TDRD9: variants seen among roughly 807,000 people sequenced by gnomAD.
The protein encoded by TDRD9 is tudor domain containing 9.
In TDRD9, 124 loss-of-function variants were observed where a neutral mutation model predicts 172.6. The observed-to-expected ratio is 0.72, with a 90% CI of 0.62 to 0.83. The LOEUF (loss-of-function observed/expected upper bound fraction) is 0.83. TDRD9 is among the 40% of genes least tolerant of loss of function. The pLI is 0.00. For missense variants in TDRD9, 1,479 were observed against 1,714.1 expected (o/e 0.86, Z 2.42); for synonymous variants, 619 against 617.1 (o/e 1.00, Z -0.05).
intron 1 of TDRD9, among the ~76,000 whole-genome samples, chr14:103,947,502 G>C (rs1475467528): frequency 6.6e-6 from 1 of 151,730 alleles, no homozygotes; most frequent in Non-Finnish European, 1.5e-5. Context: ...TAATTTTTTT[G>C]TATTTTTAGT....
At chr14:104,048,410 G>A (rs1218065115) in intron 34 of TDRD9, among the ~76,000 whole-genome samples, 3 of 152,048 alleles carry the variant, frequency 2.0e-5, no homozygotes, top group Admixed American at 6.6e-5. Context: ...AGCTCGTTTT[G>A]TTTTCTTTAT....
chr14:103,954,305 C>G (rs1254386838), intron 1 of TDRD9, among the ~76,000 whole-genome samples: 2 of 152,318 alleles, frequency 1.3e-5, no homozygotes, highest in Non-Finnish European at 2.9e-5. Flanking sequence ...TACCCTTCCT[C>G]CCTGGAATCC....
chr14:104,019,774 G>T (rs144268713), intron 23 of TDRD9, among the ~76,000 whole-genome samples: 2 of 152,218 alleles, frequency 1.3e-5, no homozygotes, highest in Non-Finnish European at 2.9e-5. Flanking sequence ...TTTCAACTTC[G>T]TGGTAGGAGT....
At chr14:104,004,096 C>A in intron 13 of TDRD9, 142 bp from the exon 14 acceptor site, 1 of 460,440 alleles carries the variant, frequency 2.2e-6, no homozygotes, top group East Asian at 3.2e-5. Context: ...CTAATGTATT[C>A]TAAAGTTTTT....
rs763546824 is a variant in TDRD9, at chr14:104,006,681, C to A, written c.1915C>A (p.Pro639Thr). The change falls in exon 17 of 36, where the codon CCT (proline) becomes ACT (threonine). Residue 639 changes from proline (P) to threonine (T), a missense_variant. By Grantham distance (38) the Pro-to-Thr change is conservative. This residue lies in a region of TDRD9 where 1,413 missense variants were observed against 1,649.1 expected (regional missense o/e 0.86). Coordinates refer to ENST00000409874, the MANE Select transcript of TDRD9 (RefSeq NM_153046.3). ...TTCTTTGAAGAATTTTTTTGCAATG[C>A]CTTTCCGGCAGCATCTCGATGGATA... ...ALSLKNFFAM[P>T]FRQHLDGYRN... The A allele has an allele frequency of 6.8e-6, 11 of 1,613,766 alleles. No homozygotes were observed. The highest frequency in any genetic ancestry group is 4.5e-5 in the East Asian group (2 of 44,888).
chr14:103,940,240 G>A (rs2031136231), intron 1 of TDRD9, among the ~76,000 whole-genome samples: 1 of 152,038 alleles, frequency 6.6e-6, no homozygotes, highest in Admixed American at 6.6e-5. Context: ...TTTATTACAC[G>A]TTCCCTTAAT....
chr14:104,000,440 T>C (rs1191947958), intron 13 of TDRD9, among the ~76,000 whole-genome samples: 1 of 151,784 alleles, frequency 6.6e-6, no homozygotes, highest in Admixed American at 6.6e-5. Flanking sequence ...AACACCTCAC[T>C]ATGTTTAACC....
chr14:103,944,034 G>A (rs74086779), intron 1 of TDRD9, among the ~76,000 whole-genome samples: 8 of 152,164 alleles, frequency 5.3e-5, no homozygotes, highest in Admixed American at 2.0e-4. Context: ...AAATTACAGC[G>A]AATCTTGCCG....
At chr14:104,025,203 A>G (rs916971914) in intron 25 of TDRD9, among the ~76,000 whole-genome samples, 15 of 152,144 alleles carry the variant, frequency 9.9e-5, no homozygotes, top group African/African-American at 2.9e-4. Context: ...GCTGGTCTCG[A>G]ACTCCTAATC....
At chr14:104,035,229 G>A (rs2035416004) in intron 32 of TDRD9, among the ~76,000 whole-genome samples, 173 bp downstream of exon 32, 1 of 151,934 alleles carries the variant, frequency 6.6e-6, no homozygotes, top group African/African-American at 2.4e-5. Flanking sequence ...TGCTTGGGCT[G>A]ATTTTGAAAG....
In TDRD9 at chr14:103,990,477, C is replaced by G. The variant is rs575699112; in HGVS notation, c.1116-683C>G. The stretch of plus-strand genomic sequence containing the variant: ...CCCAGAGAGGCCCTTCCCAGCCAGC[C>G]CTCCTGAGAGCACTCCATACATGCA... On this transcript the variant is annotated intron_variant, in intron 8 of 35. Transcript: ENST00000409874. Among the ~76,000 whole-genome samples the G allele has an allele frequency of 1.8e-4, 28 of 152,362 alleles. No individual in the cohort carries two copies. In the South Asian group the frequency reaches 5.8e-3, roughly 32 times the overall value.
intron 7 of TDRD9, among the ~76,000 whole-genome samples, chr14:103,984,488 C>G (rs1051475477): frequency 1.3e-5 from 2 of 152,232 alleles, no homozygotes; most frequent in Non-Finnish European, 2.9e-5. Flanking sequence ...TCAGAGGGTG[C>G]AAGCCTCAAG....
chr14:103,993,341 A>G (rs1280358084), intron 9 of TDRD9, among the ~76,000 whole-genome samples: 1 of 152,184 alleles, frequency 6.6e-6, no homozygotes, highest in African/African-American at 2.4e-5. Flanking sequence ...AATATTTATA[A>G]GTGATATTTT....
intron 1 of TDRD9, among the ~76,000 whole-genome samples, chr14:103,936,715 G>C (rs923582838): frequency 6.6e-6 from 1 of 152,148 alleles, no homozygotes; most frequent in African/African-American, 2.4e-5. Context: ...TTCTATGTTT[G>C]GTCTCCTGAC....
intron 11 of TDRD9, among the ~76,000 whole-genome samples, chr14:103,995,221 T>TA (rs923525274): frequency 4.6e-5 from 7 of 152,346 alleles, no homozygotes; most frequent in African/African-American, 1.7e-4. Flanking sequence ...AGAAGCCATA[T>TA]TCTAGGTCCT....
At position 103,965,391 on chromosome 14, in the gene TDRD9, G is replaced by A; in HGVS notation, c.479G>A (p.Gly160Asp). 1 of 1,551,674 alleles carries A rather than the reference G, an allele frequency of 6.4e-7. No homozygotes were observed. The highest frequency in any genetic ancestry group is 8.7e-7 in the Non-Finnish European group (1 of 1,146,996). Residue 160 changes from glycine (G) to aspartate (D), a missense_variant, in exon 4 of 36, where the codon GGT becomes GAT. Gly to Asp is a moderately conservative substitution (Grantham distance 94). This residue lies in a region of TDRD9 where 1,413 missense variants were observed against 1,649.1 expected (regional missense o/e 0.86). Coordinates refer to ENST00000409874, the MANE Select transcript of TDRD9 (RefSeq NM_153046.3). ...VVIIHGATGS[G>D]KSTQLPQYIL... ...ATTATCCATGGGGCCACGGGAAGCG[G>A]TAAAAGCACTCAGCTCCCGCAGTAT... is the stretch of plus-strand genomic sequence containing the variant.
chr14:104,023,772 T>C (rs943655046), intron 24 of TDRD9, among the ~76,000 whole-genome samples: 23 of 152,250 alleles, frequency 1.5e-4, no homozygotes, highest in African/African-American at 5.5e-4. Context: ...TTCCATCTGG[T>C]TTCACCCAGT....
At chr14:103,950,146 GTGGCGCAATCTCAGCTCACC>G (rs2031794821) in intron 1 of TDRD9, among the ~76,000 whole-genome samples, 1 of 125,992 alleles carries the variant, frequency 7.9e-6, no homozygotes, top group African/African-American at 3.1e-5. Flanking sequence ...CTGGAGTGCC[GTGGCGCAATCTCAGCTCACC>G]GCAACCTCCG....
chr14:103,988,768 C>T (rs1198882876), intron 8 of TDRD9, among the ~76,000 whole-genome samples: 1 of 150,612 alleles, frequency 6.6e-6, no homozygotes, highest in Non-Finnish European at 1.5e-5. Flanking sequence ...TCATGGCTCA[C>T]AGCAGCCTCG....
Sources: gnomAD v4.1 joint callset for allele counts (sites outside exome capture counted in the v4.1 genomes callset) on GRCh38, gnomAD v4.1.1 for gene constraint, gnomAD v4.1.1 regional missense constraint, MANE v1.5 for transcripts, NCBI Gene and HGNC (gene_info 2026-07-23, HGNC 2026-07-21) for gene names.